The following PIAS1 variants were observed in gnomAD, a reference collection of about 807,000 sequenced individuals.
PIAS1 encodes the protein protein inhibitor of activated STAT 1, also known as E3 SUMO-protein ligase PIAS1.
In PIAS1, 6 loss-of-function variants were observed where a neutral mutation model predicts 71.3. The ratio of observed to expected loss-of-function variants is 0.08; its 90% confidence interval spans 0.05 to 0.17. The LOEUF (loss-of-function observed/expected upper bound fraction) is 0.17. Ranked by LOEUF, PIAS1 falls within the 10% of genes least tolerant of loss-of-function variation. The pLI, the probability that PIAS1 is intolerant of heterozygous loss-of-function variation, is 1.00. For synonymous variants in PIAS1, 303 were observed against 292.9 expected (o/e 1.03, Z -0.35); for missense variants, 555 against 793.6 (o/e 0.70, Z 3.61).
rs371358259 is a variant in PIAS1 at position 68,149,039 on chromosome 15, A to G, written c.828+2339A>G. 3.3e-5 allele frequency among the ~76,000 whole-genome samples: 5 copies of G among 152,174 alleles called. No individual in the cohort carries two copies. The East Asian group carries it at 9.7e-4, about 29-fold the overall frequency. On this transcript the variant is annotated intron_variant, in intron 6 of 13. Coordinates refer to ENST00000249636, the MANE Select transcript of PIAS1 (RefSeq NM_016166.3). Reference sequence around the variant, plus strand: ...CTAGGCAAATGATATTGCTGCTGAGATAGAGGAAACACTGGAAAAGGACTG... The same window carrying G: ...CTAGGCAAATGATATTGCTGCTGAGGTAGAGGAAACACTGGAAAAGGACTG...
chr15:68,103,158 C>T (rs1209232541), intron 2 of PIAS1, among the ~76,000 whole-genome samples: 6 of 152,004 alleles, frequency 3.9e-5, no homozygotes, highest in Admixed American at 2.6e-4. Context: ...AACTCCTGGC[C>T]TCAAGTGATC....
At chr15:68,127,889 A>C (rs1444758873) in intron 2 of PIAS1, among the ~76,000 whole-genome samples, 1 of 152,106 alleles carries the variant, frequency 6.6e-6, no homozygotes, top group East Asian at 1.9e-4. Context: ...CAGCCTCCCA[A>C]GTAGCTAGGA....
intron 1 of PIAS1, among the ~76,000 whole-genome samples, chr15:68,064,823 T>G (rs2091999413): frequency 6.6e-6 from 1 of 152,176 alleles, no homozygotes; most frequent in African/African-American, 2.4e-5. Flanking sequence ...TTAAAGAGAT[T>G]TGCAAAAATG....
chr15:68,124,399 G>GT (rs1384913612), intron 2 of PIAS1, among the ~76,000 whole-genome samples: 28 of 111,180 alleles, frequency 2.5e-4, no homozygotes, highest in Non-Finnish European at 5.6e-4. Flanking sequence ...TTTTGTTGTT[G>GT]TTTTTTGTTT....
chr15:68,178,224 C>T lies in PIAS1; in HGVS notation c.1481+1570C>T, dbSNP rs1479940725. On this transcript the variant is annotated intron_variant, in intron 11 of 13. Coordinates refer to ENST00000249636, the MANE Select transcript of PIAS1 (RefSeq NM_016166.3). The surrounding 1 kb of genome is among the most constrained non-coding windows in gnomAD (Gnocchi z 4.2). ...GGTGGAGGTTGCAGTGAGCTAAGAT[C>T]GTGCCACTGCACTCCAACCTGGGTG... 1.3e-5 allele frequency among the ~76,000 whole-genome samples: 2 copies of T among 152,060 alleles called. No individual in the cohort carries two copies. The highest frequency in any genetic ancestry group is 4.8e-5 in the African/African-American group (2 of 41,410).
At chr15:68,090,135 C>T (rs2092320854) in intron 2 of PIAS1, among the ~76,000 whole-genome samples, 1 of 152,018 alleles carries the variant, frequency 6.6e-6, no homozygotes, top group African/African-American at 2.4e-5. Context: ...CCACCTTGGC[C>T]TCCCAAAGTG....
intron 2 of PIAS1, among the ~76,000 whole-genome samples, chr15:68,089,270 C>A (rs11638566): frequency 0.49 from 73,690 of 151,904 alleles, 18,650 homozygotes; most frequent in Middle Eastern, 0.57. Flanking sequence ...AATTTTAAGG[C>A]CTTTATTTTG....
In PIAS1 at chr15:68,183,624, C is replaced by T; in HGVS notation, c.1625-6C>T. On this transcript the variant is annotated splice_region_variant and splice_polypyrimidine_tract_variant and intron_variant, in intron 12 of 13. Coordinates refer to ENST00000249636, the MANE Select transcript of PIAS1 (RefSeq NM_016166.3). ...TTTTAAACTGAAATAATTTTTTCTT[C>T]CACAGGATTAGATTTCTTTCCTTTC... 9.1e-7 allele frequency: 1 copy of T among 1,099,908 alleles called. No homozygotes were observed. Among genetic ancestry groups the T allele is most frequent in the Admixed American group, 2.2e-5 (1 of 45,534 alleles). The allele number at this position is 1,099,908 out of a possible 1,614,324, so 68.1% of individuals were successfully genotyped here.
chr15:68,123,139 A>C (rs893043806), intron 2 of PIAS1, among the ~76,000 whole-genome samples: 4 of 152,124 alleles, frequency 2.6e-5, no homozygotes, highest in African/African-American at 9.6e-5. Flanking sequence ...GCAACCTCAA[A>C]CTCCTAGGCT....
chr15:68,151,706 AC>A (rs1310617900), intron 6 of PIAS1, among the ~76,000 whole-genome samples: 15 of 110,898 alleles, frequency 1.4e-4, no homozygotes, highest in African/African-American at 3.8e-4. Context: ...ACACACACAC[AC>A]AAATTAGCTA....
chr15:68,126,237 C>T (rs1257190819), intron 2 of PIAS1, among the ~76,000 whole-genome samples: 4 of 152,028 alleles, frequency 2.6e-5, no homozygotes, highest in African/African-American at 9.7e-5. Context: ...CTCTTTGGAA[C>T]TCCTATTCCC....
chr15:68,089,915 T>C (rs1212758801), intron 2 of PIAS1, among the ~76,000 whole-genome samples: 1 of 152,060 alleles, frequency 6.6e-6, no homozygotes, highest in African/African-American at 2.4e-5. Context: ...GGTCTTGCTC[T>C]GTTGCCCAGG....
intron 2 of PIAS1, among the ~76,000 whole-genome samples, chr15:68,110,137 A>G (rs1053057632): frequency 6.6e-5 from 10 of 152,200 alleles, no homozygotes; most frequent in African/African-American, 2.4e-4. Flanking sequence ...GCTCACTATG[A>G]GAAATATTGG....
rs893510851 is a variant in PIAS1, at chr15:68,171,989, G to A, written c.1009-1743G>A. On this transcript the variant is annotated intron_variant, in intron 8 of 13. Coordinates refer to ENST00000249636, the MANE Select transcript of PIAS1 (RefSeq NM_016166.3). The surrounding 1 kb of genome is among the most constrained non-coding windows in gnomAD (Gnocchi z 4.4). ...ATGTGCACAACGTGCAGGTATACAT[G>A]TGCCATATTGGTTTGCTGCACCCGT... Among the ~76,000 whole-genome samples the A allele has an allele frequency of 2.0e-5, 3 of 151,708 alleles. No homozygotes were observed. The highest frequency in any genetic ancestry group is 6.6e-5 in the Admixed American group (1 of 15,234).
chr15:68,175,028 A>G (rs972079522), intron 9 of PIAS1, among the ~76,000 whole-genome samples: 3 of 152,230 alleles, frequency 2.0e-5, no homozygotes, highest in African/African-American at 7.2e-5. Flanking sequence ...ATTGGAAAAC[A>G]CAGGAAAATA....
intron 2 of PIAS1, among the ~76,000 whole-genome samples, chr15:68,119,170 T>G (rs1467187173): frequency 8.3e-6 from 1 of 121,172 alleles, no homozygotes; most frequent in African/African-American, 3.2e-5. Flanking sequence ...GAGGCCGAGG[T>G]GGGTGGATCA....
At chr15:68,159,018 A>C (rs1222932586) in intron 7 of PIAS1, among the ~76,000 whole-genome samples, 1 of 152,162 alleles carries the variant, frequency 6.6e-6, no homozygotes, top group Non-Finnish European at 1.5e-5. Flanking sequence ...GACAACAGGG[A>C]TTAAAAACAA....
At chr15:68,106,179 G>A (rs2092466928) in intron 2 of PIAS1, among the ~76,000 whole-genome samples, 1 of 151,876 alleles carries the variant, frequency 6.6e-6, no homozygotes, top group South Asian at 2.1e-4. Context: ...ATGAATATGT[G>A]TGTGTAAGAG....
At chr15:68,104,474 T>A (rs1052613347) in intron 2 of PIAS1, among the ~76,000 whole-genome samples, 3 of 152,198 alleles carry the variant, frequency 2.0e-5, no homozygotes, top group East Asian at 1.9e-4. Context: ...TCTTGCCTCT[T>A]CTCCTCTTCA....
Sources: allele counts gnomAD v4.1 joint callset (sites outside exome capture counted in the v4.1 genomes callset), GRCh38; gene constraint gnomAD v4.1.1; non-coding constraint Gnocchi (gnomAD v3.1); transcripts MANE v1.5; gene names NCBI Gene and HGNC (gene_info 2026-07-23, HGNC 2026-07-21).